Variants in NPHS1 observed in about 807,000 individuals in gnomAD.
The protein encoded by NPHS1 is NPHS1 adhesion molecule, nephrin.
Under a neutral mutation model 139.7 loss-of-function variants are expected in NPHS1, and 107 were observed. The observed-to-expected ratio is 0.77, with a 90% CI of 0.66 to 0.90. The LOEUF (loss-of-function observed/expected upper bound fraction) is 0.90, where lower values mean the gene tolerates loss of function less well. NPHS1 is among the 40% of genes least tolerant of loss of function. NPHS1 has a pLI of 0.00. For missense variants in NPHS1, 1,580 were observed against 1,654.2 expected (o/e 0.96, Z 0.78); for synonymous variants, 707 against 706.6 (o/e 1.00, Z -0.01).
chr19:35,850,908 C>T, intron 4 of NPHS1, 53 bp downstream of exon 4: 1 of 1,608,590 alleles, frequency 6.2e-7, no homozygotes, highest in Non-Finnish European at 8.5e-7. Flanking sequence ...ACACACCCTT[C>T]CCACTCCAGA....
At chr19:35,842,078 G>A (rs1465602145) in intron 19 of NPHS1, 46 bp downstream of exon 19, 6 of 1,576,520 alleles carry the variant, frequency 3.8e-6, no homozygotes, top group Non-Finnish European at 5.2e-6. Context: ...GGGGCTGGAG[G>A]TCCAGACCTG....
At position 35,848,287 on chromosome 19, in the gene NPHS1, C is replaced by G; in HGVS notation, c.1281G>C (p.Glu427Asp). 1 of 1,614,162 alleles carries G rather than the reference C, an allele frequency of 6.2e-7. No individual in the cohort carries two copies. Among genetic ancestry groups the G allele is most frequent in the African/African-American group, 1.3e-5 (1 of 75,052 alleles). The part of the protein sequence containing the change: ...CEAFSEAFTK[E>D]TFKKSLILNV... ...TCAGGATGAGCGACTTCTTGAAGGT[C>G]TCCTTGGTGAAGGCTTCACTGAAGG... is the stretch of plus-strand genomic sequence containing the variant. Residue 427 changes from glutamate to aspartate, a missense_variant, in exon 10 of 29, where the codon GAG becomes GAC. By Grantham distance (45) the Glu-to-Asp change is conservative. Transcript: ENST00000378910.
Position 35,826,401 on chromosome 19 carries a change from A to C in NPHS1, c.*113T>G. The C allele has an allele frequency of 7.9e-7, 1 of 1,273,720 alleles. No homozygotes were observed. The highest frequency in any genetic ancestry group is 1.1e-6 in the Non-Finnish European group (1 of 876,816). 78.9% of individuals were successfully genotyped at this position (1,273,720 alleles called of 1,614,324 possible). A position where few individuals can be genotyped will look rare whatever the true frequency, so the allele number is the denominator to read the frequency against. ...CCCTCCATGTCCTCTCCTGACACCA[A>C]GTCCCTTTGGGTTTTATGGAGCTCA... On this transcript the variant is annotated 3_prime_UTR_variant, in exon 29 of 29. Transcript: ENST00000378910.
At chr19:35,846,233 G>A in intron 11 of NPHS1, 39 bp from the exon 12 acceptor site, 1 of 1,549,914 alleles carries the variant, frequency 6.5e-7, no homozygotes, top group Non-Finnish European at 8.7e-7. Flanking sequence ...AGGCAGCCCT[G>A]CCGCTTCCAC....
intron 4 of NPHS1, 104 bp downstream of exon 4, chr19:35,850,857 A>C: frequency 1.4e-6 from 2 of 1,430,750 alleles, no homozygotes; most frequent in Non-Finnish European, 1.9e-6. Flanking sequence ...CCCAGGGATG[A>C]CATCTTTTCT....
chr19:35,834,597 GA>G (rs146766411), intron 23 of NPHS1, among the ~76,000 whole-genome samples: 26 of 150,074 alleles, frequency 1.7e-4, no homozygotes, highest in Middle Eastern at 3.4e-3. Context: ...GAAGATCTAA[GA>G]AAAAAAAAAT....
At position 35,851,596 on chromosome 19, in the gene NPHS1, C is replaced by G. The variant is rs757545314; in HGVS notation, c.135G>C (p.Glu45Asp). The G allele has an allele frequency of 5.0e-6, 8 of 1,613,840 alleles. No homozygotes were observed. The highest frequency in any genetic ancestry group is 1.7e-5 in the Admixed American group (1 of 60,002). ...WALPENLTVV[E>D]GASVELRCGV... is the part of the protein sequence containing the mutation. The stretch of plus-strand genomic sequence containing the variant: ...CACAACGCAGCTCCACTGAGGCCCC[C>G]TCCACCACCGTCAGGTTTTCAGGCA... The change falls in exon 2 of 29, where the codon GAG becomes GAC. Residue 45 changes from glutamate to aspartate, a missense_variant. Coordinates refer to ENST00000378910, the MANE Select transcript of NPHS1 (RefSeq NM_004646.4).
chr19:35,849,827 T>A (rs1204501190), intron 5 of NPHS1, among the ~76,000 whole-genome samples, 174 bp from the exon 6 acceptor site: 1 of 152,190 alleles, frequency 6.6e-6, no homozygotes, highest in Non-Finnish European at 1.5e-5. Context: ...ACAGTGAGAA[T>A]TGGAGCCTAG....
intron 23 of NPHS1, among the ~76,000 whole-genome samples, chr19:35,834,194 A>G (rs796379828): frequency 5.3e-5 from 8 of 152,248 alleles, no homozygotes; most frequent in African/African-American, 1.9e-4. Flanking sequence ...AGACACAACT[A>G]TGACGGAATC....
rs1320070262 is a variant in NPHS1, at chr19:35,851,518, C to T, written c.213G>A (p.Leu71=). 1 of 1,613,804 alleles carries T rather than the reference C, an allele frequency of 6.2e-7. No individual in the cohort carries two copies. Reference sequence around the variant, plus strand: ...AGCCTGGGATCCTGGGGTCGGGGCCCAGGAGCAGCCCATCTTTGGCCCATT... The same window carrying T: ...AGCCTGGGATCCTGGGGTCGGGGCCTAGGAGCAGCCCATCTTTGGCCCATT... ...AVQWAKDGLL[L]GPDPRIPGFP... The change falls in exon 2 of 29, where the codon CTG becomes CTA. Residue 71 remains leucine, a synonymous_variant. Transcript: ENST00000378910.
At chr19:35,842,027 C>A in intron 19 of NPHS1, 97 bp downstream of exon 19, 1 of 1,443,988 alleles carries the variant, frequency 6.9e-7, no homozygotes, top group South Asian at 1.2e-5. Context: ...TTCCTCCACC[C>A]ATTCGTCTTC....
Position 35,845,414 on chromosome 19 carries a change from G to C in NPHS1, c.1884C>G (p.Ala628=). The C allele has an allele frequency of 6.2e-7, 1 of 1,614,230 alleles. No individual in the cohort carries two copies. ...GQRVTCRAHS[A]ELRETVSSFY... ...AGGAGCTCACGGTTTCGCGGAGCTC[G>C]GCGCTGTGGGCGCGGCAGGTCACGC... The change falls in exon 14 of 29, where the codon GCC becomes GCG. Residue 628 remains alanine, a synonymous_variant. Transcript: ENST00000378910. This position sits in a 1 kb window ranked among gnomAD's most constrained non-coding sequence, Gnocchi z 5.5.
Position 35,845,969 on chromosome 19 carries a change from C to T in NPHS1, c.1627+39G>A, listed in dbSNP as rs766435110. 3 of 1,492,446 alleles carry T rather than the reference C, an allele frequency of 2.0e-6. No individual in the cohort carries two copies. Among genetic ancestry groups the T allele is most frequent in the South Asian group, 1.2e-5 (1 of 82,968 alleles). 92.5% of individuals were successfully genotyped at this position (1,492,446 alleles called of 1,614,324 possible). ...CCCTGCCCCACCTGGCTCTGTCCCT[C>T]CCGCCCCGCCCCCGGGCCTCAGCAG... On this transcript the variant is annotated intron_variant, in intron 12 of 28. Coordinates refer to ENST00000378910, the MANE Select transcript of NPHS1 (RefSeq NM_004646.4). The surrounding 1 kb of genome is among the most constrained non-coding windows in gnomAD (Gnocchi z 5.5).
Position 35,848,070 on chromosome 19 carries a change from T to C in NPHS1, c.1411A>G (p.Asn471Asp). The change falls in exon 11 of 29, where the codon AAC becomes GAC. Residue 471 changes from asparagine (N) to aspartate (D), a missense_variant. By Grantham distance (23) the Asn-to-Asp change is conservative. Transcript: ENST00000378910. ...VRLVCLAIGGNPEPSLMWYKD... is the reference protein window; with the variant it reads ...VRLVCLAIGGDPEPSLMWYKD... ...TACCACATGAGGGAGGGCTCTGGGT[T>C]GCCCCCGATAGCCAAACACACCAGC... 1 of 1,613,938 alleles carries C rather than the reference T, an allele frequency of 6.2e-7. No individual in the cohort carries two copies. Among genetic ancestry groups the C allele is most frequent in the Non-Finnish European group, 8.5e-7 (1 of 1,180,026 alleles).
chr19:35,850,467 G>A (rs1473540600), intron 4 of NPHS1, 22 bp from the exon 5 acceptor site: 1 of 1,607,804 alleles, frequency 6.2e-7, no homozygotes, highest in South Asian at 1.1e-5. Context: ...AAGAGGGCTA[G>A]AGGGGTTCCA....
At chr19:35,833,613 G>A (rs998075012) in intron 23 of NPHS1, among the ~76,000 whole-genome samples, 14 of 152,328 alleles carry the variant, frequency 9.2e-5, no homozygotes, top group African/African-American at 3.4e-4. Context: ...AAAGTTGAGA[G>A]AGGGTGAGAA....
At chr19:35,847,896 G>T in intron 11 of NPHS1, 145 bp downstream of exon 11, 1 of 826,508 alleles carries the variant, frequency 1.2e-6, no homozygotes, top group Non-Finnish European at 1.8e-6. Context: ...TGTCTTTCCT[G>T]ATTCCCTGCC....
Position 35,848,707 on chromosome 19 carries a change from C to T in NPHS1, c.1100G>A (p.Arg367His), listed in dbSNP as rs200905486. The T allele has an allele frequency of 4.3e-6, 7 of 1,614,132 alleles. No individual in the cohort carries two copies. Among genetic ancestry groups the T allele is most frequent in the African/African-American group, 1.3e-5 (1 of 75,030 alleles). Reference protein sequence around the residue: ...VTLSCVSKSSRPRVLLRWWLG... With the variant: ...VTLSCVSKSSHPRVLLRWWLG... ...CCACCATCGTAGCAGAACCCGCGGG[C>T]GACTGGACTTGCTGACACAGGAGAG... The change falls in exon 9 of 29, where the codon CGC (arginine) becomes CAC (histidine). Residue 367 changes from arginine (R) to histidine (H), a missense_variant. By Grantham distance (29) the Arg-to-His change is conservative (BLOSUM62 0). Coordinates refer to ENST00000378910, the MANE Select transcript of NPHS1 (RefSeq NM_004646.4).
intron 17 of NPHS1, among the ~76,000 whole-genome samples, chr19:35,842,950 CA>C (rs1405602211): frequency 6.6e-6 from 1 of 152,176 alleles, no homozygotes; most frequent in Non-Finnish European, 1.5e-5. Context: ...CTCAACTATT[CA>C]CTCACGCTTG....
Sources: gnomAD v4.1 joint callset for allele counts (sites outside exome capture counted in the v4.1 genomes callset) on GRCh38, gnomAD v4.1.1 for gene constraint, Gnocchi (gnomAD v3.1) non-coding constraint, MANE v1.5 for transcripts, NCBI Gene and HGNC (gene_info 2026-07-23, HGNC 2026-07-21) for gene names.